The following IPO4 variants were observed in gnomAD, a reference collection of about 807,000 sequenced individuals.
IPO4 encodes the protein importin 4, also known as importin-4.
Under a neutral mutation model 133.5 loss-of-function variants are expected in IPO4, and 91 were observed. The ratio of observed to expected loss-of-function variants is 0.68; its 90% CI spans 0.58 to 0.81. IPO4 has a LOEUF of 0.81. Ranked by LOEUF, IPO4 falls within the 30% of genes least tolerant of loss-of-function variation. IPO4 has a pLI of 0.00. For missense variants in IPO4, 1,279 were observed against 1,386.2 expected (o/e 0.92, Z 1.23); for synonymous variants, 607 against 581.6 (o/e 1.04, Z -0.63).
rs766966530 is a variant in IPO4 at position 24,182,262 on chromosome 14, G to A, written c.2598+16C>T. The A allele has an allele frequency of 1.9e-6, 3 of 1,614,170 alleles. No individual in the cohort carries two copies. The South Asian group carries it at 3.3e-5, about 18-fold the overall frequency. ...ACGAGGGGACTAGGGCTTGAAGCCA[G>A]AAGATGGACACTCACTGTCTTGCAC... On this transcript the variant is annotated intron_variant, in intron 25 of 29. Transcript: ENST00000354464.
chr14:24,188,318 C>T (rs755032213), intron 3 of IPO4, 26 bp downstream of exon 3: 1 of 1,613,160 alleles, frequency 6.2e-7, no homozygotes, highest in Non-Finnish European at 8.5e-7. Flanking sequence ...TCCGCCTGGC[C>T]CCGCCCCACC....
chr14:24,186,065 T>A (rs907486695), intron 11 of IPO4, 64 bp downstream of exon 11: 5 of 1,604,118 alleles, frequency 3.1e-6, no homozygotes, highest in South Asian at 1.1e-5. Flanking sequence ...CTAAACGTCG[T>A]TGGCCTCAGG....
rs372030557 is a variant in IPO4, at chr14:24,183,450, G to T, written c.2121+6C>A. 1 of 1,608,622 alleles carries T rather than the reference G, an allele frequency of 6.2e-7. No homozygotes were observed. Among genetic ancestry groups the T allele is most frequent in the Admixed American group, 1.7e-5 (1 of 59,412 alleles). Reference sequence around the variant, plus strand: ...CCCCACCCACTCCACCCGCCGGCCCGCTCACCTCCAGCAGTTTAAATACTT... The same window carrying T: ...CCCCACCCACTCCACCCGCCGGCCCTCTCACCTCCAGCAGTTTAAATACTT... On this transcript the variant is annotated splice_donor_region_variant and intron_variant, in intron 21 of 29. Transcript: ENST00000354464.
At position 24,184,019 on chromosome 14, in the gene IPO4, C is replaced by T. The variant is rs369045511; in HGVS notation, c.1848G>A (p.Leu616=). 4 of 1,607,898 alleles carry T rather than the reference C, an allele frequency of 2.5e-6. No individual in the cohort carries two copies. The highest frequency in any genetic ancestry group is 1.4e-5 in the African/African-American group (1 of 73,340). Residue 616 remains leucine (L), a synonymous_variant, in exon 18 of 30, where the codon CTG becomes CTA. Transcript: ENST00000354464. ...EQITTLMLLS[L]RSTEGIVPQY... ...TCACCACAATGCCCTCGGTGGAACG[C>T]AGTGACAGCAGCATGAGCGTGGTGA...
rs762017763 is a variant in IPO4, at chr14:24,185,892, AC to A, written c.1137del (p.Ser380LeufsTer57). On this transcript the variant is annotated frameshift_variant, in exon 12 of 30. Coordinates refer to ENST00000354464, the MANE Select transcript of IPO4 (RefSeq NM_024658.4). LOFTEE classifies it high-confidence loss of function. ...CTGATGTGGTCGCCAGCTCCGTCAG[AC>A]AGCACGGCCAGCACCAGGAGTCCAG... ...RKAGLLVLAV[L>X]SDGAGDHIRQ... 3.7e-6 allele frequency: 6 copies of A among 1,613,970 alleles called. No homozygotes were observed. Among genetic ancestry groups the A allele is most frequent in the Non-Finnish European group, 5.1e-6 (6 of 1,180,012 alleles).
chr14:24,186,370 A>G lies in IPO4; in HGVS notation c.922T>C (p.Leu308=), dbSNP rs760923825. The change falls in exon 10 of 30, where the codon TTG becomes CTG. Residue 308 remains leucine, a synonymous_variant. Transcript: ENST00000354464. ...IVAAEPPPGQ[L]DPEDQDSEEE... ...TCTGAATCCTGGTCCTCGGGATCCA[A>G]CTGGCCTGGTGGGGGCTCAGCAGCC... 1.1e-5 allele frequency: 18 copies of G among 1,613,184 alleles called. No homozygotes were observed. The highest frequency in any genetic ancestry group is 1.1e-4 in the African/African-American group (8 of 74,898).
At chr14:24,188,147 G>A (rs1264712017) in intron 4 of IPO4, 69 bp downstream of exon 4, 3 of 1,512,608 alleles carry the variant, frequency 2.0e-6, no homozygotes, top group Non-Finnish European at 2.7e-6. Flanking sequence ...TCCCAGCCTG[G>A]AGCCGAAAAG....
At chr14:24,181,425 T>C (rs2039134213) in intron 28 of IPO4, 88 bp downstream of exon 28, 4 of 1,067,090 alleles carry the variant, frequency 3.7e-6, no homozygotes, top group South Asian at 1.4e-5. Context: ...ACTGACAGCC[T>C]GGAGCTCCCG....
chr14:24,182,222 G>A, intron 25 of IPO4, 56 bp downstream of exon 25: 1 of 1,613,746 alleles, frequency 6.2e-7, no homozygotes, highest in Non-Finnish European at 8.5e-7. Context: ...AAAGGCTGTG[G>A]TGGGCACCGG....
At position 24,184,149 on chromosome 14, in the gene IPO4, G is replaced by A. The variant is rs560475747; in HGVS notation, c.1758-40C>T. 116 of 1,593,566 alleles carry A rather than the reference G, an allele frequency of 7.3e-5. No homozygotes were observed. The East Asian group carries it at 2.4e-3, about 33-fold the overall frequency. On this transcript the variant is annotated intron_variant, in intron 17 of 29. Transcript: ENST00000354464. ...CAGAAGAAGCTGTAAGGTCCTGCCT[G>A]CTACCACCAGGCAGGATGGGGGAGC... is the stretch of plus-strand genomic sequence containing the variant.
At position 24,186,170 on chromosome 14, in the gene IPO4, G is replaced by C; in HGVS notation, c.1018C>G (p.Leu340Val). The change falls in exon 11 of 30, where the codon CTG becomes GTG. Residue 340 changes from leucine (L) to valine (V), a missense_variant. Physicochemically the swap from Leu to Val is conservative, Grantham distance 32. Around this residue, in one of 3 missense-constraint regions of IPO4, gnomAD observed 695 missense variants for 704.1 expected, o/e 0.99. Transcript: ENST00000354464. The stretch of plus-strand genomic sequence containing the variant: ...TTCTCGGGGGGCAGGTGTAGTGCCA[G>C]CATGTCCACAACCTGAGATGGGATG... ...KHFAVQVVDMLALHLPPEKLC... is the reference protein window; with the variant it reads ...KHFAVQVVDMVALHLPPEKLC... 1 of 1,613,960 alleles carries C rather than the reference G, an allele frequency of 6.2e-7. No homozygotes were observed. Among genetic ancestry groups the C allele is most frequent in the Non-Finnish European group, 8.5e-7 (1 of 1,179,938 alleles).
chr14:24,185,301 G>A lies in IPO4; in HGVS notation c.1290C>T (p.Ser430=). 6 of 1,614,114 alleles carry A rather than the reference G, an allele frequency of 3.7e-6. No individual in the cohort carries two copies. The highest frequency in any genetic ancestry group is 5.1e-6 in the Non-Finnish European group (6 of 1,179,992). The change falls in exon 14 of 30, where the codon AGC becomes AGT. Residue 430 remains serine (S), a synonymous_variant. Transcript: ENST00000354464. ...GTGGCATTACCTCCCTTGAATAGCT[G>A]CTGATATGGGGCTGGGGGAGGGAGC... The part of the protein sequence containing the change: ...QFSENLQPHI[S]SYSREVMPLL...
Position 24,184,961 on chromosome 14 carries a change from G to A in IPO4, c.1428C>T (p.Tyr476=). 6.2e-7 allele frequency: 1 copy of A among 1,613,936 alleles called. No homozygotes were observed. Among genetic ancestry groups the A allele is most frequent in the Non-Finnish European group, 8.5e-7 (1 of 1,179,958 alleles). ...VENLGPKVQP[Y]LPELMECMLQ... is the part of the protein sequence containing the mutation. ...GCATGCATTCCATAAGCTCCGGAAGGTAGGGCTGCACCTTGGGCCCTGTGG... is the reference window on the plus strand; with the variant it reads ...GCATGCATTCCATAAGCTCCGGAAGATAGGGCTGCACCTTGGGCCCTGTGG... Residue 476 remains tyrosine (Y), a synonymous_variant, in exon 15 of 30, where the codon TAC becomes TAT. Coordinates refer to ENST00000354464, the MANE Select transcript of IPO4 (RefSeq NM_024658.4).
chr14:24,181,685 C>G, intron 27 of IPO4, 26 bp downstream of exon 27: 5 of 1,609,980 alleles, frequency 3.1e-6, no homozygotes, highest in Non-Finnish European at 2.5e-6. Flanking sequence ...AGCTTCCAAG[C>G]CCTGCCTGAT....
chr14:24,184,976 G>A lies in IPO4; in HGVS notation c.1413C>T (p.Pro471=). Residue 471 remains proline, a synonymous_variant, in exon 15 of 30, where the codon CCC becomes CCT. Coordinates refer to ENST00000354464, the MANE Select transcript of IPO4 (RefSeq NM_024658.4). ...ALENFVENLG[P]KVQPYLPELM... ...GCTCCGGAAGGTAGGGCTGCACCTT[G>A]GGCCCTGTGGGAAAGGATGCTCCTC... is the stretch of plus-strand genomic sequence containing the variant. 6.2e-7 allele frequency: 1 copy of A among 1,613,278 alleles called. No individual in the cohort carries two copies. Among genetic ancestry groups the A allele is most frequent in the South Asian group, 1.1e-5 (1 of 90,934 alleles).
chr14:24,181,668 C>T (rs1473669863), intron 27 of IPO4, 43 bp downstream of exon 27: 13 of 1,612,594 alleles, frequency 8.1e-6, no homozygotes, highest in African/African-American at 2.7e-5. Flanking sequence ...CACCACCCTC[C>T]CTCCTCAGCT....
rs373955108 is a variant in IPO4 at position 24,180,622 on chromosome 14, C to T, written c.3116-50G>A. 15 of 1,612,320 alleles carry T rather than the reference C, an allele frequency of 9.3e-6. No individual in the cohort carries two copies. In the East Asian group the frequency reaches 1.6e-4, roughly 17 times the overall value. ...GTCGGGGCTCCTAAAGCCTCGCTGCCCCAGGCTCTCTGAGCCCTGCCACTC... is the reference window on the plus strand; with the variant it reads ...GTCGGGGCTCCTAAAGCCTCGCTGCTCCAGGCTCTCTGAGCCCTGCCACTC... On this transcript the variant is annotated intron_variant, in intron 29 of 29. Transcript: ENST00000354464.
Position 24,183,018 on chromosome 14 carries a change from G to A in IPO4, c.2379C>T (p.Leu793=), listed in dbSNP as rs763537508. The A allele has an allele frequency of 8.7e-6, 14 of 1,613,630 alleles. No individual in the cohort carries two copies. Among genetic ancestry groups the A allele is most frequent in the African/African-American group, 2.7e-5 (2 of 74,914 alleles). The stretch of plus-strand genomic sequence containing the variant: ...CCTTGAGCACGCCACAGAGCTCAGC[G>A]AGGCGCCCAGGGGGCTTCAGTGTGA... ...GTLTLKPPGR[L]AELCGVLKAV... is the part of the protein sequence containing the mutation. Residue 793 remains leucine, a synonymous_variant, in exon 23 of 30, where the codon CTC becomes CTT. Coordinates refer to ENST00000354464, the MANE Select transcript of IPO4 (RefSeq NM_024658.4).
At chr14:24,180,810 A>T in intron 28 of IPO4, 52 bp from the exon 29 acceptor site, 1 of 1,554,484 alleles carries the variant, frequency 6.4e-7, no homozygotes, top group Admixed American at 1.7e-5. Flanking sequence ...CCCCAGGTCT[A>T]GGAGGGTGGT....
Sources: gnomAD v4.1 joint callset for allele counts on GRCh38, gnomAD v4.1.1 for gene constraint, gnomAD v4.1.1 regional missense constraint, MANE v1.5 for transcripts, NCBI Gene and HGNC (gene_info 2026-07-23, HGNC 2026-07-21) for gene names.